Variants in SPHKAP observed in about 807,000 individuals in gnomAD.
The protein encoded by SPHKAP is A-kinase anchor protein SPHKAP.
SPHKAP carries 67 observed loss-of-function variants against 137.5 expected under a neutral mutation model. That is an observed-to-expected ratio of 0.49 (90% CI 0.40 to 0.60). The LOEUF (loss-of-function observed/expected upper bound fraction) is 0.60. SPHKAP is among the 20% of genes least tolerant of loss of function. SPHKAP has a pLI of 0.00. For missense variants in SPHKAP, 2,097 were observed against 2,069.3 expected, an observed-to-expected ratio of 1.01 and a Z score of -0.26; for synonymous variants, 813 against 785.3, an observed-to-expected ratio of 1.04 and a Z score of -0.59.
At position 228,017,520 on chromosome 2, in the gene SPHKAP, T is replaced by C. The variant is rs1461399056; in HGVS notation, c.3334A>G (p.Arg1112Gly). ...GACTGCTTGGAGACAGAGCTGGCCCTGCTGACCGGCTGGCTCAGCGTGCTC... is the reference window on the plus strand; with the variant it reads ...GACTGCTTGGAGACAGAGCTGGCCCCGCTGACCGGCTGGCTCAGCGTGCTC... ...LMSTLSQPVSRASSVSKQSSC... is the reference protein window; with the variant it reads ...LMSTLSQPVSGASSVSKQSSC... Residue 1112 changes from arginine (R) to glycine (G), a missense_variant, in exon 7 of 12, where the codon AGG becomes GGG. By Grantham distance (125) the Arg-to-Gly change is moderately radical. Coordinates refer to ENST00000392056, the MANE Select transcript of SPHKAP (RefSeq NM_001142644.2). 14 of 1,613,320 alleles carry C rather than the reference T, an allele frequency of 8.7e-6. No homozygotes were observed. Among genetic ancestry groups the C allele is most frequent in the Non-Finnish European group, 1.2e-5 (14 of 1,179,726 alleles).
At position 228,019,245 on chromosome 2, in the gene SPHKAP, G is replaced by C. The variant is rs757100201; in HGVS notation, c.1609C>G (p.Gln537Glu). ...TTGAGTCCTTGGGGTGCTTGAGTTT[G>C]CAGTGCACCACTGCTCCCTGGGGGA... ...NFPPGSSGALQTQAPQGLKEP... is the reference protein window; with the variant it reads ...NFPPGSSGALETQAPQGLKEP... The change falls in exon 7 of 12, where the codon CAA becomes GAA. Residue 537 changes from glutamine to glutamate, a missense_variant. Transcript: ENST00000392056. 6.2e-7 allele frequency: 1 copy of C among 1,613,942 alleles called. No homozygotes were observed. The highest frequency in any genetic ancestry group is 2.2e-5 in the East Asian group (1 of 44,880).
chr2:228,153,195 C>T (rs1448174729), intron 1 of SPHKAP, among the ~76,000 whole-genome samples: 10 of 152,150 alleles, frequency 6.6e-5, no homozygotes, highest in African/African-American at 1.4e-4. Context: ...AGTGTGAAAA[C>T]GGACTAATGC....
chr2:228,169,135 T>C (rs547643341), intron 1 of SPHKAP, among the ~76,000 whole-genome samples: 23 of 152,260 alleles, frequency 1.5e-4, no homozygotes, highest in African/African-American at 5.3e-4. Flanking sequence ...ACTGTCTCCA[T>C]ATATAGAAGT....
intron 3 of SPHKAP, among the ~76,000 whole-genome samples, chr2:228,079,514 GCCTAGACCTATCC>G (rs1204757171): frequency 1.3e-5 from 2 of 152,208 alleles, no homozygotes. Context: ...CAGGCTGCAG[GCCTAGACCTATCC>G]CCAGGGACTC....
intron 6 of SPHKAP, 150 bp downstream of exon 6, chr2:228,021,561 A>G (rs568556518): frequency 1.0e-6 from 1 of 961,502 alleles, no homozygotes; most frequent in South Asian, 1.6e-5. Flanking sequence ...CAGTGTTCTC[A>G]TATCCTCCTT....
intron 2 of SPHKAP, among the ~76,000 whole-genome samples, chr2:228,130,428 T>G (rs1447136934): frequency 6.6e-6 from 1 of 152,202 alleles, no homozygotes; most frequent in Admixed American, 6.6e-5. Flanking sequence ...TTCAATCTTA[T>G]AAAATACATA....
intron 1 of SPHKAP, among the ~76,000 whole-genome samples, chr2:228,132,751 A>G (rs1237370434): frequency 6.6e-6 from 1 of 151,722 alleles, no homozygotes; most frequent in Admixed American, 6.6e-5. Context: ...TAATCACAAC[A>G]CTTTGGGAAG....
intron 7 of SPHKAP, among the ~76,000 whole-genome samples, chr2:228,003,606 A>C (rs1693997589): frequency 6.6e-6 from 1 of 152,192 alleles, no homozygotes. Context: ...TATGTTGGAT[A>C]GGAGTGGTGA....
intron 3 of SPHKAP, among the ~76,000 whole-genome samples, chr2:228,032,841 A>G (rs1229354142): frequency 2.0e-5 from 3 of 152,208 alleles, no homozygotes; most frequent in Admixed American, 2.0e-4. Flanking sequence ...AGATTTTGTC[A>G]CCACCAGGCC....
At chr2:228,091,883 A>G (rs1697747726) in intron 3 of SPHKAP, among the ~76,000 whole-genome samples, 1 of 152,146 alleles carries the variant, frequency 6.6e-6, no homozygotes, top group Non-Finnish European at 1.5e-5. Flanking sequence ...AACTAAAAGT[A>G]GAACTACCAT....
chr2:228,027,236 T>G (rs1382066908), intron 4 of SPHKAP, among the ~76,000 whole-genome samples: 1 of 152,214 alleles, frequency 6.6e-6, no homozygotes, highest in Non-Finnish European at 1.5e-5. Flanking sequence ...AATAGTCATT[T>G]TAAGGCACTG....
chr2:228,092,408 CATAT>C (rs745807609), intron 3 of SPHKAP, among the ~76,000 whole-genome samples: 22 of 104,084 alleles, frequency 2.1e-4, no homozygotes, highest in African/African-American at 7.8e-4. Flanking sequence ...CACATATACA[CATAT>C]ATACATATAT....
chr2:228,143,736 C>T (rs1699679691), intron 1 of SPHKAP, among the ~76,000 whole-genome samples: 1 of 146,454 alleles, frequency 6.8e-6, no homozygotes, highest in South Asian at 2.2e-4. Context: ...GAACTCCTGA[C>T]CTCAGATGAT....
At chr2:228,117,137 C>T (rs1698738378) in intron 2 of SPHKAP, among the ~76,000 whole-genome samples, 1 of 152,086 alleles carries the variant, frequency 6.6e-6, no homozygotes, top group Non-Finnish European at 1.5e-5. Flanking sequence ...TATACGTATT[C>T]AATTTGTGTC....
Position 227,980,713 on chromosome 2 carries a change from G to A in SPHKAP, c.*1004C>T, listed in dbSNP as rs1243168480. The A allele has an allele frequency of 6.6e-6, 1 of 152,130 alleles. No individual in the cohort carries two copies. Among genetic ancestry groups the A allele is most frequent in the Admixed American group, 6.6e-5 (1 of 15,256 alleles). 9.4% of individuals were successfully genotyped at this position (152,130 alleles called of 1,614,324 possible). On this transcript the variant is annotated 3_prime_UTR_variant, in exon 12 of 12. Coordinates refer to ENST00000392056, the MANE Select transcript of SPHKAP (RefSeq NM_001142644.2). ...TGCTTCTGTCATTATAAATGTCACT[G>A]GAGCGGCATGTCTGCTGTACAGGTA...
intron 3 of SPHKAP, among the ~76,000 whole-genome samples, chr2:228,037,927 G>A (rs1454447951): frequency 1.3e-5 from 2 of 152,164 alleles, no homozygotes; most frequent in Admixed American, 6.5e-5. Flanking sequence ...ATCTCTACAA[G>A]TTTGGGCTAT....
chr2:228,051,106 C>T (rs954984694), intron 3 of SPHKAP, among the ~76,000 whole-genome samples: 2 of 152,058 alleles, frequency 1.3e-5, no homozygotes, highest in Non-Finnish European at 2.9e-5. Flanking sequence ...CACCTGGCCA[C>T]CCACTCCACT....
intron 3 of SPHKAP, among the ~76,000 whole-genome samples, chr2:228,046,068 A>C (rs1696036028): frequency 6.6e-6 from 1 of 152,094 alleles, no homozygotes; most frequent in Non-Finnish European, 1.5e-5. Context: ...AACTGCCTTC[A>C]TCCCACCCCC....
At chr2:228,176,149 G>A (rs1700732269) in intron 1 of SPHKAP, among the ~76,000 whole-genome samples, 5 of 152,208 alleles carry the variant, frequency 3.3e-5, no homozygotes, top group Admixed American at 3.3e-4. Flanking sequence ...ATATGTGACA[G>A]AACCGGGATC....
Sources: allele counts gnomAD v4.1 joint callset (sites outside exome capture counted in the v4.1 genomes callset), GRCh38; gene constraint gnomAD v4.1.1; transcripts MANE v1.5; gene names NCBI Gene and HGNC (gene_info 2026-07-23, HGNC 2026-07-21).